Variants in B3GALT1 observed in about 807,000 individuals in gnomAD.
B3GALT1 encodes beta-1,3-galactosyltransferase 1.
Under a neutral mutation model 23.2 loss-of-function variants are expected in B3GALT1, and 10 were observed. The observed-to-expected ratio is 0.43, with a 90% CI of 0.27 to 0.73. The LOEUF is 0.73. Ranked by LOEUF, B3GALT1 falls within the 30% of genes least tolerant of loss-of-function variation. The pLI, the probability that B3GALT1 is intolerant of heterozygous loss-of-function variation, is 0.21. For missense variants in B3GALT1, 299 were observed against 405.4 expected (o/e 0.74, Z 2.25); for synonymous variants, 156 against 141.5 (o/e 1.10, Z -0.73).
intron 1 of B3GALT1, among the ~76,000 whole-genome samples, chr2:167,429,960 A>G (rs1408448809): frequency 6.6e-6 from 1 of 152,248 alleles, no homozygotes; most frequent in Non-Finnish European, 1.5e-5. Flanking sequence ...ACAGTGAACA[A>G]AACAGATCAA....
chr2:167,340,386 G>C (rs1047567977), intron 1 of B3GALT1, among the ~76,000 whole-genome samples: 1 of 150,314 alleles, frequency 6.7e-6, no homozygotes, highest in Non-Finnish European at 1.5e-5. Flanking sequence ...TCTGAAACTT[G>C]AGGGACCTCT....
chr2:167,531,683 A>G (rs1186574001), intron 2 of B3GALT1, among the ~76,000 whole-genome samples: 1 of 152,136 alleles, frequency 6.6e-6, no homozygotes, highest in Non-Finnish European at 1.5e-5. Flanking sequence ...TCTTTCTCCT[A>G]TCTTCTATGC....
intron 2 of B3GALT1, among the ~76,000 whole-genome samples, chr2:167,536,778 C>A (rs1574124905): frequency 6.6e-6 from 1 of 152,114 alleles, no homozygotes; most frequent in East Asian, 1.9e-4. Flanking sequence ...CACTCTGCTG[C>A]TCAGACATGG....
intron 4 of B3GALT1, among the ~76,000 whole-genome samples, chr2:167,824,952 G>C (rs886730698): frequency 2.0e-5 from 3 of 151,938 alleles, no homozygotes; most frequent in Non-Finnish European, 4.4e-5. Flanking sequence ...ATAAACTTAA[G>C]AGTTATTCAC....
intron 2 of B3GALT1, among the ~76,000 whole-genome samples, chr2:167,521,364 C>T (rs1465656442): frequency 6.6e-6 from 1 of 152,058 alleles, no homozygotes; most frequent in African/African-American, 2.4e-5. Flanking sequence ...CTTTTACAGG[C>T]AAAACTGTAG....
intron 3 of B3GALT1, among the ~76,000 whole-genome samples, chr2:167,720,753 C>T (rs1207008266): frequency 6.6e-6 from 1 of 152,250 alleles, no homozygotes; most frequent in East Asian, 1.9e-4. Flanking sequence ...AGAAAATACC[C>T]CTGCTACACA....
chr2:167,419,453 A>G (rs1698516454), intron 1 of B3GALT1, among the ~76,000 whole-genome samples: 1 of 152,210 alleles, frequency 6.6e-6, no homozygotes, highest in Admixed American at 6.5e-5. Flanking sequence ...CACTATGAAA[A>G]ATACAGAAAA....
chr2:167,862,469 C>T (rs1313644558), intron 4 of B3GALT1, among the ~76,000 whole-genome samples: 1 of 152,196 alleles, frequency 6.6e-6, no homozygotes, highest in African/African-American at 2.4e-5. Context: ...TGCTCATTTA[C>T]ATTGGTGAGG....
intron 1 of B3GALT1, among the ~76,000 whole-genome samples, chr2:167,307,818 G>T (rs936268441): frequency 6.6e-6 from 1 of 151,672 alleles, no homozygotes; most frequent in Non-Finnish European, 1.5e-5. Flanking sequence ...TTCCCCACTC[G>T]TACCAGTTGA....
At chr2:167,658,732 A>G (rs759070024) in intron 3 of B3GALT1, among the ~76,000 whole-genome samples, 4 of 152,124 alleles carry the variant, frequency 2.6e-5, no homozygotes, top group Non-Finnish European at 5.9e-5. Flanking sequence ...ATATCTACTT[A>G]TTTCTATGAA....
At chr2:167,817,075 C>T (rs1189892328) in intron 3 of B3GALT1, among the ~76,000 whole-genome samples, 1 of 152,138 alleles carries the variant, frequency 6.6e-6, no homozygotes, top group African/African-American at 2.4e-5. Flanking sequence ...CTTTAAAGTT[C>T]TGAAATTTGT....
rs141653413 is a variant in B3GALT1, at chr2:167,411,224, T to TAACAAC, written c.-510-78929_-510-78924dup. ...TACATCAAGCTAAAAATCTTCTGTATAACAACAACAACAACAACAACAACA... is the reference window on the plus strand; with the variant it reads ...TACATCAAGCTAAAAATCTTCTGTATAACAACAACAACAACAACAACAACAACAACA... On this transcript the variant is annotated intron_variant, in intron 1 of 4. Transcript: ENST00000392690. Among the ~76,000 whole-genome samples, 521 of 150,724 alleles carry TAACAAC rather than the reference T, an allele frequency of 3.5e-3. 1 individual carries two copies. The highest frequency in any genetic ancestry group is 5.0e-3 in the Non-Finnish European group (339 of 67,606).
chr2:167,856,470 G>C (rs929789380), intron 4 of B3GALT1, among the ~76,000 whole-genome samples: 40 of 152,150 alleles, frequency 2.6e-4, no homozygotes, highest in Admixed American at 2.4e-3. Flanking sequence ...GAGACTGGAA[G>C]GAGGGATAAG....
At chr2:167,687,833 A>G (rs1320765327) in intron 3 of B3GALT1, among the ~76,000 whole-genome samples, 3 of 152,268 alleles carry the variant, frequency 2.0e-5, no homozygotes, top group African/African-American at 7.2e-5. Flanking sequence ...ATTTAAACAA[A>G]TATACAAACT....
At chr2:167,597,143 C>CCT (rs1331452651) in intron 2 of B3GALT1, among the ~76,000 whole-genome samples, 1 of 144,104 alleles carries the variant, frequency 6.9e-6, no homozygotes, top group Admixed American at 6.9e-5. Context: ...TTAGATAGAG[C>CCT]CTCTCTCTGT....
intron 2 of B3GALT1, among the ~76,000 whole-genome samples, chr2:167,643,322 G>T (rs1157298539): frequency 6.6e-6 from 1 of 152,106 alleles, no homozygotes; most frequent in Non-Finnish European, 1.5e-5. Context: ...TGTTATAAGT[G>T]GCATTTAATA....
At chr2:167,757,073 A>G (rs910435594) in intron 3 of B3GALT1, among the ~76,000 whole-genome samples, 2 of 152,142 alleles carry the variant, frequency 1.3e-5, no homozygotes, top group African/African-American at 4.8e-5. Flanking sequence ...CTCCTCATCT[A>G]TTATACGGGA....
chr2:167,642,981 A>T (rs746175527), intron 2 of B3GALT1, among the ~76,000 whole-genome samples: 4 of 152,188 alleles, frequency 2.6e-5, no homozygotes, highest in Non-Finnish European at 5.9e-5. Context: ...CAACAAAAAA[A>T]CTAAGACCAT....
rs1690389416 is a variant in B3GALT1 at position 167,873,495 on chromosome 2, A to G, written c.*3475A>G. ...TCGATCAAATCTCTTCTATCAAAAG[A>G]CAATGGAATATTTACCTAAAGCATC... is the stretch of plus-strand genomic sequence containing the variant. On this transcript the variant is annotated 3_prime_UTR_variant, in exon 5 of 5. Transcript: ENST00000392690. 1 of 152,218 alleles carries G rather than the reference A, an allele frequency of 6.6e-6. No homozygotes were observed. Among genetic ancestry groups the G allele is most frequent in the Admixed American group, 6.5e-5 (1 of 15,288 alleles). The allele number at this position is 152,218 out of a possible 1,614,324, so 9.4% of individuals were successfully genotyped here.
Sources: allele counts gnomAD v4.1 joint callset (sites outside exome capture counted in the v4.1 genomes callset), GRCh38; gene constraint gnomAD v4.1.1; transcripts MANE v1.5; gene names NCBI Gene and HGNC (gene_info 2026-07-23, HGNC 2026-07-21).